COL12A1: variants seen among roughly 807,000 people sequenced by gnomAD.
COL12A1 encodes collagen type XII alpha 1 chain.
Under a neutral mutation model 349.7 loss-of-function variants are expected in COL12A1, and 114 were observed. The ratio of observed to expected loss-of-function variants is 0.33; its 90% CI spans 0.28 to 0.38. The LOEUF (loss-of-function observed/expected upper bound fraction) is 0.38, where lower values mean the gene tolerates loss of function less well. Among genes scored for constraint, COL12A1 ranks in the 10% least tolerant of loss-of-function variants. The pLI, the probability that COL12A1 is intolerant of heterozygous loss-of-function variation, is 1.00. For missense variants in COL12A1, 3,284 were observed against 3,756.9 expected (o/e 0.87, Z 3.29); for synonymous variants, 1,369 against 1,329.0 (o/e 1.03, Z -0.66).
chr6:75,123,188 T>A, intron 43 of COL12A1, 142 bp downstream of exon 43: 1 of 798,498 alleles, frequency 1.3e-6, no homozygotes, highest in Non-Finnish European at 2.1e-6. Flanking sequence ...CTGGTTATCT[T>A]TTCTTTCAAT....
chr6:75,109,981 C>T (rs1202678095), intron 51 of COL12A1, among the ~76,000 whole-genome samples: 1 of 151,994 alleles, frequency 6.6e-6, no homozygotes, highest in Non-Finnish European at 1.5e-5. Context: ...CTTAAATGCT[C>T]TCAGTCAGTA....
chr6:75,145,523 G>C (rs1179791046), intron 24 of COL12A1, 68 bp from the exon 25 acceptor site: 2 of 1,491,622 alleles, frequency 1.3e-6, no homozygotes, highest in African/African-American at 2.8e-5. Flanking sequence ...CTTTGGAATA[G>C]TCAACTGAAG....
chr6:75,178,360 C>T (rs961326108), intron 11 of COL12A1, among the ~76,000 whole-genome samples: 1 of 152,148 alleles, frequency 6.6e-6, no homozygotes, highest in African/African-American at 2.4e-5. Context: ...CCCAGCTCTA[C>T]CATATCAACC....
chr6:75,200,240 G>A (rs1047091552), intron 2 of COL12A1, among the ~76,000 whole-genome samples: 2 of 152,148 alleles, frequency 1.3e-5, no homozygotes, highest in Non-Finnish European at 2.9e-5. Context: ...TGTGCTGTCC[G>A]ACACGGAAGC....
At chr6:75,167,230 CTTTG>C (rs1325452678) in intron 13 of COL12A1, among the ~76,000 whole-genome samples, 1 of 152,052 alleles carries the variant, frequency 6.6e-6, no homozygotes, top group African/African-American at 2.4e-5. Flanking sequence ...CTGTGGGCTT[CTTTG>C]TTTTGTTTTT....
intron 1 of COL12A1, among the ~76,000 whole-genome samples, chr6:75,204,924 G>A (rs79521307): frequency 0.023 from 3,499 of 152,116 alleles, 120 homozygotes; most frequent in African/African-American, 0.08. Context: ...AGACTACAGA[G>A]TCCGGATCGA....
At chr6:75,145,276 C>T in intron 25 of COL12A1, 50 bp downstream of exon 25, 1 of 1,465,828 alleles carries the variant, frequency 6.8e-7, no homozygotes, top group Non-Finnish European at 9.2e-7. Context: ...TTCTAATGAA[C>T]ATTATGCTCA....
In COL12A1 at chr6:75,183,120, C is replaced by A. The variant is rs199994914; in HGVS notation, c.1821G>T (p.Arg607Ser). 6.2e-7 allele frequency: 1 copy of A among 1,614,010 alleles called. No homozygotes were observed. The highest frequency in any genetic ancestry group is 8.5e-7 in the Non-Finnish European group (1 of 1,180,038). ...FTVEDFDAFQ[R>S]ISFELTQSIC... ...TAGACTGTGTGAGTTCAAAAGATATCCTCTGAAAAGCATCAAAATCTTCCA... is the reference window on the plus strand; with the variant it reads ...TAGACTGTGTGAGTTCAAAAGATATACTCTGAAAAGCATCAAAATCTTCCA... Residue 607 changes from arginine to serine, a missense_variant, in exon 10 of 66, where the codon AGG becomes AGT. Arg to Ser is a moderately radical substitution (Grantham distance 110). This residue lies in a region of COL12A1 where 2,601 missense variants were observed against 2,824.8 expected (regional missense o/e 0.92). Coordinates refer to ENST00000322507, the MANE Select transcript of COL12A1 (RefSeq NM_004370.6).
In COL12A1 at chr6:75,189,753, T is replaced by C. The variant is rs2149475927; in HGVS notation, c.457A>G (p.Arg153Gly). 6.2e-7 allele frequency: 1 copy of C among 1,613,284 alleles called. No homozygotes were observed. The highest frequency in any genetic ancestry group is 2.2e-5 in the East Asian group (1 of 44,864). Reference sequence around the variant, plus strand: ...TCTAAAATGTACTTGAAATTATTTCTTCCCACACTCCAAGAGCCATCCACG... The same window carrying C: ...TCTAAAATGTACTTGAAATTATTTCCTCCCACACTCCAAGAGCCATCCACG... ...FLVDGSWSVG[R>G]NNFKYILDFI... The change falls in exon 6 of 66, where the codon AGA becomes GGA. Residue 153 changes from arginine to glycine, a missense_variant. Coordinates refer to ENST00000322507, the MANE Select transcript of COL12A1 (RefSeq NM_004370.6).
At position 75,121,314 on chromosome 6, in the gene COL12A1, A is replaced by G. The variant is rs1765716204; in HGVS notation, c.7074T>C (p.Pro2358=). The G allele has an allele frequency of 6.2e-7, 1 of 1,606,966 alleles. No individual in the cohort carries two copies. The highest frequency in any genetic ancestry group is 1.3e-5 in the African/African-American group (1 of 74,818). The change falls in exon 44 of 66, where the codon CCT becomes CCC. Residue 2358 remains proline (P), a synonymous_variant. Coordinates refer to ENST00000322507, the MANE Select transcript of COL12A1 (RefSeq NM_004370.6). ...NTVGGFDEIS[P]AGIQVSFVQY... Reference sequence around the variant, plus strand: ...GAATGACACTAACCTGAATCCCAGCAGGACTGATTTCATCAAAGCCTCCCA... The same window carrying G: ...GAATGACACTAACCTGAATCCCAGCGGGACTGATTTCATCAAAGCCTCCCA...
intron 51 of COL12A1, among the ~76,000 whole-genome samples, chr6:75,111,237 A>G (rs1768825836): frequency 6.6e-6 from 1 of 151,894 alleles, no homozygotes. Flanking sequence ...AGGAGAAACT[A>G]AAAGAAAGAT....
chr6:75,145,517 G>A, intron 24 of COL12A1, 62 bp from the exon 25 acceptor site: 1 of 1,542,942 alleles, frequency 6.5e-7, no homozygotes, highest in Non-Finnish European at 8.8e-7. Context: ...ATTTACCTTT[G>A]GAATAGTCAA....
Position 75,101,596 on chromosome 6 carries a change from T to C in COL12A1, c.8523+4A>G. The stretch of plus-strand genomic sequence containing the variant: ...ATCATTGTAGCCTGCTCAAGAAAAC[T>C]TACTCTGTCTCCTGGAGGTCCCATT... On this transcript the variant is annotated splice_donor_region_variant and intron_variant, in intron 58 of 65. Transcript: ENST00000322507. The C allele has an allele frequency of 6.2e-7, 1 of 1,613,172 alleles. No homozygotes were observed. The highest frequency in any genetic ancestry group is 8.5e-7 in the Non-Finnish European group (1 of 1,179,610).
rs766666171 is a variant in COL12A1 at position 75,165,488 on chromosome 6, C to T, written c.2983+19G>A. The T allele has an allele frequency of 3.7e-6, 6 of 1,609,758 alleles. No individual in the cohort carries two copies. The highest frequency in any genetic ancestry group is 4.2e-6 in the Non-Finnish European group (5 of 1,178,546). On this transcript the variant is annotated intron_variant, in intron 14 of 65. Coordinates refer to ENST00000322507, the MANE Select transcript of COL12A1 (RefSeq NM_004370.6). ...GGTAGCACCGGCACACACCCAAACA[C>T]ACCCATAATGTTACCTACATTCAGT...
intron 16 of COL12A1, among the ~76,000 whole-genome samples, chr6:75,154,867 T>A (rs1420680075): frequency 6.6e-6 from 1 of 152,178 alleles, no homozygotes; most frequent in Non-Finnish European, 1.5e-5. Flanking sequence ...TTAATCTTAC[T>A]GTTTCTAAGC....
intron 2 of COL12A1, among the ~76,000 whole-genome samples, chr6:75,195,914 C>G (rs240435): frequency 6.6e-6 from 1 of 152,020 alleles, no homozygotes; most frequent in African/African-American, 2.4e-5. Flanking sequence ...GACATGACTG[C>G]GCATAAAAAC....
Position 75,090,094 on chromosome 6 carries a change from A to G in COL12A1, c.8941+16T>C, listed in dbSNP as rs918793352. 7 of 1,612,132 alleles carry G rather than the reference A, an allele frequency of 4.3e-6. No individual in the cohort carries two copies. The highest frequency in any genetic ancestry group is 5.9e-6 in the Non-Finnish European group (7 of 1,179,718). ...ATTCCTTCCTTTATCCCAATACAGAAGCCAGAAATGCCTACCTCGTTCCCC... is the reference window on the plus strand; with the variant it reads ...ATTCCTTCCTTTATCCCAATACAGAGGCCAGAAATGCCTACCTCGTTCCCC... On this transcript the variant is annotated intron_variant, in intron 63 of 65. Transcript: ENST00000322507. The surrounding 1 kb of genome is among the most constrained non-coding windows in gnomAD (Gnocchi z 4.1).
At chr6:75,138,082 G>T (rs1766711052) in intron 30 of COL12A1, among the ~76,000 whole-genome samples, 1 of 152,020 alleles carries the variant, frequency 6.6e-6, no homozygotes, top group South Asian at 2.1e-4. Context: ...ATAAATTTCT[G>T]TTATTTATGC....
Position 75,113,196 on chromosome 6 carries a change from GT to G in COL12A1, c.7950+7del. On this transcript the variant is annotated splice_region_variant and intron_variant, in intron 51 of 65. Transcript: ENST00000322507. Reference sequence around the variant, plus strand: ...AGAAATAAGACTCAAATAATCTTATGTTTTTACCTTGTGAAAACTTCCATAA... The same window carrying G: ...AGAAATAAGACTCAAATAATCTTATGTTTTACCTTGTGAAAACTTCCATAA... 6.9e-7 allele frequency: 1 copy of G among 1,442,572 alleles called. No individual in the cohort carries two copies. Among genetic ancestry groups the G allele is most frequent in the South Asian group, 1.4e-5 (1 of 72,172 alleles). The allele number at this position is 1,442,572 out of a possible 1,614,324, so 89.4% of individuals were successfully genotyped here.
Sources: gnomAD v4.1 joint callset for allele counts (sites outside exome capture counted in the v4.1 genomes callset) on GRCh38, gnomAD v4.1.1 for gene constraint, gnomAD v4.1.1 regional missense constraint, Gnocchi (gnomAD v3.1) non-coding constraint, MANE v1.5 for transcripts, NCBI Gene and HGNC (gene_info 2026-07-23, HGNC 2026-07-21) for gene names.